The following KHDRBS2 variants were observed in gnomAD, a reference collection of about 807,000 sequenced individuals.
KHDRBS2 encodes KH RNA binding domain containing, signal transduction associated 2.
KHDRBS2 carries 26 observed loss-of-function variants against 44.3 expected under a neutral mutation model. That is an observed-to-expected ratio of 0.59 (90% CI 0.43 to 0.81). KHDRBS2 has a LOEUF of 0.81. KHDRBS2 is among the 40% of genes least tolerant of loss of function. The pLI, the probability that KHDRBS2 is intolerant of heterozygous loss-of-function variation, is 0.00. For missense variants in KHDRBS2, 476 were observed against 433.1 expected (o/e 1.10, Z -0.88); for synonymous variants, 194 against 151.1 (o/e 1.28, Z -2.08).
In KHDRBS2 at chr6:61,894,659, TGGA is replaced by T. The variant is rs1253577514; in HGVS notation, c.783_785del (p.Pro262del). The T allele has an allele frequency of 6.2e-7, 1 of 1,612,552 alleles. No homozygotes were observed. Among genetic ancestry groups the T allele is most frequent in the Admixed American group, 1.7e-5 (1 of 59,598 alleles). ...CATATTCTTCATAAGCTTCATGGGCTGGAGGAGGAGGTGCCCTGTATCCTGGCA... is the reference window on the plus strand; with the variant it reads ...CATATTCTTCATAAGCTTCATGGGCTGGAGGAGGTGCCCTGTATCCTGGCA... On this transcript the variant is annotated inframe_deletion, in exon 6 of 9. Coordinates refer to ENST00000281156, the MANE Select transcript of KHDRBS2 (RefSeq NM_152688.4).
intron 6 of KHDRBS2, among the ~76,000 whole-genome samples, chr6:61,733,569 C>A (rs1026639174): frequency 6.6e-6 from 1 of 150,698 alleles, no homozygotes; most frequent in Admixed American, 6.6e-5. Flanking sequence ...GCACTCCAGC[C>A]TGGGCAACAA....
chr6:62,138,409 G>A (rs573307039), intron 2 of KHDRBS2, among the ~76,000 whole-genome samples: 1 of 152,242 alleles, frequency 6.6e-6, no homozygotes, highest in Admixed American at 6.5e-5. Context: ...TATTTCAGGA[G>A]AAAATTATAC....
intron 6 of KHDRBS2, among the ~76,000 whole-genome samples, chr6:61,820,185 C>CT (rs1173078717): frequency 6.6e-6 from 1 of 152,004 alleles, no homozygotes; most frequent in Admixed American, 6.6e-5. Context: ...TTGTGGTTAA[C>CT]TTTTTCAAAT....
intron 6 of KHDRBS2, among the ~76,000 whole-genome samples, chr6:61,738,176 T>A (rs553243382): frequency 6.6e-5 from 10 of 152,016 alleles, no homozygotes; most frequent in Non-Finnish European, 1.5e-4. Context: ...ATTACTTAAG[T>A]TATCAGTCCC....
At chr6:62,161,092 T>C (rs970417283) in intron 2 of KHDRBS2, among the ~76,000 whole-genome samples, 2 of 152,088 alleles carry the variant, frequency 1.3e-5, no homozygotes, top group African/African-American at 4.8e-5. Context: ...CTTTTATGAA[T>C]GGCATAATGT....
At chr6:61,565,226 A>G in the KHDRBS2 span, among the ~76,000 whole-genome samples, 1 of 152,050 alleles carries the variant, frequency 6.6e-6, no homozygotes, top group East Asian at 1.9e-4. Flanking sequence ...AGAAGAAAAC[A>G]TTGGGGAAAT....
intron 1 of KHDRBS2, among the ~76,000 whole-genome samples, chr6:62,268,201 A>G (rs972848649): frequency 2.0e-5 from 3 of 152,068 alleles, no homozygotes; most frequent in African/African-American, 4.8e-5. Flanking sequence ...TTTTGGGGGT[A>G]GTAGCTTTCA....
intron 2 of KHDRBS2, among the ~76,000 whole-genome samples, chr6:62,111,877 G>A (rs1805081405): frequency 6.6e-6 from 1 of 151,992 alleles, no homozygotes; most frequent in South Asian, 2.1e-4. Context: ...TTGAGACCCT[G>A]TCTTTATACA....
intron 3 of KHDRBS2, among the ~76,000 whole-genome samples, chr6:62,007,254 T>C (rs992689562): frequency 6.6e-6 from 1 of 152,112 alleles, no homozygotes; most frequent in Non-Finnish European, 1.5e-5. Flanking sequence ...TTAACCTTTA[T>C]TACTTTTCAA....
intron 6 of KHDRBS2, among the ~76,000 whole-genome samples, chr6:61,755,784 G>T (rs562010496): frequency 6.8e-6 from 1 of 147,954 alleles, no homozygotes; most frequent in African/African-American, 2.5e-5. Context: ...TGGGCAACAG[G>T]GCAAGACTCT....
At chr6:61,692,987 G>A (rs1338595776) in intron 8 of KHDRBS2, among the ~76,000 whole-genome samples, 5 of 152,024 alleles carry the variant, frequency 3.3e-5, no homozygotes, top group African/African-American at 4.8e-5. Context: ...ATCAGTCTAC[G>A]ATACGACCAC....
At chr6:62,285,705 TC>T (rs1012999706) in intron 1 of KHDRBS2, among the ~76,000 whole-genome samples, 152 bp downstream of exon 1, 33 of 152,122 alleles carry the variant, frequency 2.2e-4, no homozygotes, top group African/African-American at 8.0e-4. Flanking sequence ...AAGAACGGGG[TC>T]TGTCCGCCCG....
At chr6:61,599,920 G>A in the KHDRBS2 span, among the ~76,000 whole-genome samples, 1 of 152,120 alleles carries the variant, frequency 6.6e-6, no homozygotes, top group Non-Finnish European at 1.5e-5. Context: ...AGATGAGAAT[G>A]ACTCTACGAC....
At chr6:62,042,910 G>C (rs1404670595) in intron 3 of KHDRBS2, among the ~76,000 whole-genome samples, 1 of 152,014 alleles carries the variant, frequency 6.6e-6, no homozygotes, top group East Asian at 1.9e-4. Context: ...ATAATCATGA[G>C]ACTGCTTTAA....
the KHDRBS2 span, among the ~76,000 whole-genome samples, chr6:61,620,441 T>C: frequency 6.6e-6 from 1 of 152,230 alleles, no homozygotes; most frequent in Non-Finnish European, 1.5e-5. Flanking sequence ...AGTGTTTTAT[T>C]GAAGAGTCAG....
At chr6:62,101,177 C>A (rs1801806399) in intron 2 of KHDRBS2, among the ~76,000 whole-genome samples, 1 of 152,012 alleles carries the variant, frequency 6.6e-6, no homozygotes. Context: ...TAGGCTTGCA[C>A]AATCAAAATC....
intron 3 of KHDRBS2, among the ~76,000 whole-genome samples, chr6:62,015,300 T>C (rs1198664685): frequency 6.6e-6 from 1 of 152,138 alleles, no homozygotes; most frequent in East Asian, 1.9e-4. Context: ...TCTAATAATG[T>C]TAAAAGTTTT....
chr6:61,655,127 G>A, the KHDRBS2 span, among the ~76,000 whole-genome samples: 3 of 151,650 alleles, frequency 2.0e-5, no homozygotes, highest in Non-Finnish European at 4.4e-5. Context: ...ACCCAATAAG[G>A]AGAGTTTAGG....
chr6:61,587,889 C>G, the KHDRBS2 span, among the ~76,000 whole-genome samples: 1 of 145,226 alleles, frequency 6.9e-6, no homozygotes, highest in South Asian at 2.2e-4. Context: ...ATTATAGATG[C>G]TTAGAAAACT....
Sources: gnomAD v4.1 joint callset for allele counts (sites outside exome capture counted in the v4.1 genomes callset) on GRCh38, gnomAD v4.1.1 for gene constraint, MANE v1.5 for transcripts, NCBI Gene and HGNC (gene_info 2026-07-23, HGNC 2026-07-21) for gene names.